The following WT1 variants were observed in gnomAD, a reference collection of about 807,000 sequenced individuals.
WT1 encodes Wilms tumor protein.
In WT1, 8 loss-of-function variants were observed where a neutral mutation model predicts 60.8. That is an observed-to-expected ratio of 0.13 (90% CI 0.08 to 0.24). The LOEUF is 0.24. Among genes scored for constraint, WT1 ranks in the 10% least tolerant of loss-of-function variants. The pLI, the probability that WT1 is intolerant of heterozygous loss-of-function variation, is 1.00. For synonymous variants in WT1, 312 were observed against 297.1 expected (o/e 1.05, Z -0.52); for missense variants, 568 against 711.8 (o/e 0.80, Z 2.30).
At chr11:32,432,321 C>T (rs1446606737) in intron 1 of WT1, among the ~76,000 whole-genome samples, 2 of 152,166 alleles carry the variant, frequency 1.3e-5, no homozygotes, top group African/African-American at 2.4e-5. Flanking sequence ...ATGCCCTTGC[C>T]TCTCACAGCC....
chr11:32,413,050 C>G (rs1852553121), intron 5 of WT1, among the ~76,000 whole-genome samples: 1 of 152,150 alleles, frequency 6.6e-6, no homozygotes, highest in Non-Finnish European at 1.5e-5. Flanking sequence ...TACAAGGAAA[C>G]AAACCTATTC....
At chr11:32,430,921 G>A in intron 1 of WT1, 2 of 1,041,752 alleles carry the variant, frequency 1.9e-6, no homozygotes, top group Non-Finnish European at 1.2e-6. Context: ...CGGAGAGTGC[G>A]GGGGCAGGGG....
chr11:32,408,565 A>G (rs1852399177), intron 5 of WT1, among the ~76,000 whole-genome samples: 1 of 150,256 alleles, frequency 6.7e-6, no homozygotes, highest in South Asian at 2.1e-4. Flanking sequence ...AAAAGAAAAG[A>G]AGGAAGGCAG....
At chr11:32,400,438 A>G (rs1278039067) in intron 5 of WT1, 2 of 351,654 alleles carry the variant, frequency 5.7e-6, no homozygotes, top group East Asian at 7.1e-5. Flanking sequence ...AGTGCACTGA[A>G]TTTGTCGGCA....
chr11:32,421,647 AG>A (rs1449035335), intron 3 of WT1, among the ~76,000 whole-genome samples: 8 of 152,218 alleles, frequency 5.3e-5, no homozygotes, highest in African/African-American at 1.9e-4. Flanking sequence ...GGAAATCAGT[AG>A]TAGATCATAT....
intron 4 of WT1, among the ~76,000 whole-genome samples, 184 bp from the exon 5 acceptor site, chr11:32,416,724 G>A (rs1008653155): frequency 6.6e-6 from 1 of 152,252 alleles, no homozygotes; most frequent in South Asian, 2.1e-4. Context: ...CACCACCGGA[G>A]GCTGCAAAGA....
chr11:32,416,740 G>A (rs779689209), intron 4 of WT1, among the ~76,000 whole-genome samples, 200 bp from the exon 5 acceptor site: 7 of 152,148 alleles, frequency 4.6e-5, no homozygotes, highest in Middle Eastern at 3.2e-3. Flanking sequence ...AAAGAGCTTG[G>A]GCTTTGGAAT....
intron 3 of WT1, among the ~76,000 whole-genome samples, chr11:32,427,044 G>T (rs1437452028): frequency 6.6e-6 from 1 of 152,214 alleles, no homozygotes; most frequent in East Asian, 1.9e-4. Context: ...GGATGGGTTT[G>T]GGGGCAGCCG....
intron 5 of WT1, among the ~76,000 whole-genome samples, chr11:32,408,435 A>G (rs1852389204): frequency 6.7e-6 from 1 of 149,938 alleles, no homozygotes; most frequent in African/African-American, 2.5e-5. Context: ...GAATCACTTG[A>G]ACCCAGGAGG....
rs145425799 is a variant in WT1, at chr11:32,427,994, G to A, written c.849C>T (p.Thr283=). ...TCCTCAGCAGCAAAGCCTGGCTGCCGGTGCAGCTGTCGGTGGGGGTGTGGC... is the reference window on the plus strand; with the variant it reads ...TCCTCAGCAGCAAAGCCTGGCTGCCAGTGCAGCTGTCGGTGGGGGTGTGGC... Residue 283 remains threonine (T), a synonymous_variant, in exon 3 of 10, where the codon ACC becomes ACT. Coordinates refer to ENST00000452863, the MANE Select transcript of WT1 (RefSeq NM_024426.6). 1.9e-5 allele frequency: 31 copies of A among 1,611,878 alleles called. No homozygotes were observed. The African/African-American group carries it at 3.1e-4, about 16-fold the overall frequency.
chr11:32,430,486 G>GAGAGAGAGAGAGAGAGAGAGAGAC lies in WT1; in HGVS notation c.662-1868_662-1867insGTCTCTCTCTCTCTCTCTCTCTCT, dbSNP rs761622301. ...AGAGAGAGAGAGAGAGAGAGAGAGA[G>GAGAGAGAGAGAGAGAGAGAGAGAC]AGAGACGAAATAGAAGCTACGAAGA... On this transcript the variant is annotated intron_variant, in intron 1 of 9. Coordinates refer to ENST00000452863, the MANE Select transcript of WT1 (RefSeq NM_024426.6). 7.8e-5 allele frequency: 123 copies of GAGAGAGAGAGAGAGAGAGAGAGAC among 1,573,558 alleles called. 1 individual carries two copies. In the African/African-American group the frequency reaches 1.7e-3, roughly 21 times the overall value.
At chr11:32,429,305 G>T (rs1853181777) in intron 1 of WT1, among the ~76,000 whole-genome samples, 1 of 152,080 alleles carries the variant, frequency 6.6e-6, no homozygotes, top group Non-Finnish European at 1.5e-5. Context: ...TGCGCCCAGG[G>T]GTCCGACCCT....
intron 3 of WT1, 129 bp downstream of exon 3, chr11:32,427,827 G>T: frequency 4.2e-6 from 3 of 707,882 alleles, no homozygotes; most frequent in Non-Finnish European, 6.8e-6. Context: ...GAGTCGAGGC[G>T]TCTCGTGCCT....
intron 5 of WT1, among the ~76,000 whole-genome samples, chr11:32,415,277 A>C (rs1483612505): frequency 1.3e-5 from 2 of 152,138 alleles, no homozygotes; most frequent in African/African-American, 4.8e-5. Context: ...AGTTCTGAGG[A>C]GAGGAGAAAG....
chr11:32,404,387 A>T (rs1216997509), intron 5 of WT1, among the ~76,000 whole-genome samples: 3 of 151,596 alleles, frequency 2.0e-5, no homozygotes, highest in Non-Finnish European at 4.4e-5. Context: ...GGGAGAAGGG[A>T]TTTATGAGTC....
chr11:32,424,386 C>T (rs771904920), intron 3 of WT1, among the ~76,000 whole-genome samples: 2 of 152,060 alleles, frequency 1.3e-5, no homozygotes, highest in Admixed American at 6.5e-5. Context: ...CCTGCCTCAA[C>T]GAGTAGTCAA....
chr11:32,411,640 C>T (rs1852501562), intron 5 of WT1, among the ~76,000 whole-genome samples: 1 of 152,098 alleles, frequency 6.6e-6, no homozygotes, highest in Non-Finnish European at 1.5e-5. Context: ...AAATTCAATA[C>T]ATTCATCAAA....
chr11:32,426,597 G>A (rs753904757), intron 3 of WT1, among the ~76,000 whole-genome samples: 7 of 152,054 alleles, frequency 4.6e-5, no homozygotes, highest in Middle Eastern at 3.2e-3. Context: ...GACCATTGGT[G>A]TTCTTGCCCA....
At chr11:32,424,176 A>G (rs968470542) in intron 3 of WT1, among the ~76,000 whole-genome samples, 6 of 151,802 alleles carry the variant, frequency 4.0e-5, no homozygotes, top group African/African-American at 9.7e-5. Context: ...AAAAAAAAAA[A>G]AAAAGTGATA....
Sources: allele counts gnomAD v4.1 joint callset (sites outside exome capture counted in the v4.1 genomes callset), GRCh38; gene constraint gnomAD v4.1.1; transcripts MANE v1.5; gene names NCBI Gene and HGNC (gene_info 2026-07-23, HGNC 2026-07-21).